Variants in IQCK observed in about 807,000 individuals in gnomAD.
The protein encoded by IQCK is IQ domain-containing protein K.
A neutral mutation model predicts 28.1 loss-of-function variants in IQCK; 29 were observed. The ratio of observed to expected loss-of-function variants is 1.03; its 90% confidence interval spans 0.77 to 1.41. The LOEUF (loss-of-function observed/expected upper bound fraction) is 1.41. IQCK is among the 40% of genes most tolerant of loss of function. IQCK has a pLI of 0.00. For missense variants in IQCK, 359 were observed against 314.7 expected (o/e 1.14, Z -1.07); for synonymous variants, 113 against 115.1 (o/e 0.98, Z 0.12).
chr16:19,753,169 A>G (rs773023438), intron 4 of IQCK, among the ~76,000 whole-genome samples: 2 of 151,954 alleles, frequency 1.3e-5, no homozygotes, highest in Admixed American at 6.6e-5. Context: ...AATCCCAGAC[A>G]TTTCGAGATG....
At chr16:19,783,434 A>G (rs2055519065) in intron 6 of IQCK, among the ~76,000 whole-genome samples, 1 of 152,182 alleles carries the variant, frequency 6.6e-6, no homozygotes, top group South Asian at 2.1e-4. Flanking sequence ...CTGAACATGC[A>G]AAAACGTCTG....
At chr16:19,753,520 A>G (rs1174124286) in intron 4 of IQCK, among the ~76,000 whole-genome samples, 1 of 152,174 alleles carries the variant, frequency 6.6e-6, no homozygotes, top group African/African-American at 2.4e-5. Flanking sequence ...TAGGCATCCA[A>G]AGCCCATAGT....
At chr16:19,828,180 G>A (rs1352920207), downstream of IQCK, among the ~76,000 whole-genome samples, 1 of 151,410 alleles carries the variant, frequency 6.6e-6, no homozygotes, top group Non-Finnish European at 1.5e-5. Flanking sequence ...CCAAAGTGCT[G>A]GGATTACAGG....
At chr16:19,781,983 C>T (rs1008366315) in intron 6 of IQCK, among the ~76,000 whole-genome samples, 19 of 151,196 alleles carry the variant, frequency 1.3e-4, no homozygotes, top group Non-Finnish European at 2.1e-4. Flanking sequence ...AGTGAGACTC[C>T]GCCTAAAACA....
chr16:19,754,412 A>G (rs2055025301), intron 4 of IQCK, among the ~76,000 whole-genome samples: 1 of 152,232 alleles, frequency 6.6e-6, no homozygotes, highest in Non-Finnish European at 1.5e-5. Flanking sequence ...GACTCTGGGT[A>G]GAGGCCATAA....
chr16:19,849,275 T>TTA (rs398028930), intron 9 of IQCK, among the ~76,000 whole-genome samples: 2 of 151,318 alleles, frequency 1.3e-5, no homozygotes, highest in Non-Finnish European at 2.9e-5. Flanking sequence ...TTTTTTTTTT[T>TTA]ATGTATTTGA....
At chr16:19,751,135 G>C (rs2054980992) in intron 4 of IQCK, among the ~76,000 whole-genome samples, 1 of 152,126 alleles carries the variant, frequency 6.6e-6, no homozygotes, top group Non-Finnish European at 1.5e-5. Context: ...ACCTCACCAG[G>C]GCTGTGGGGA....
intron 6 of IQCK, among the ~76,000 whole-genome samples, chr16:19,772,579 A>T (rs1399747553): frequency 1.3e-5 from 2 of 151,620 alleles, no homozygotes; most frequent in African/African-American, 2.4e-5. Context: ...GACAGGGGTG[A>T]GGGAGGGAGG....
intron 6 of IQCK, among the ~76,000 whole-genome samples, chr16:19,772,046 C>A (rs2055327627): frequency 6.6e-6 from 1 of 152,114 alleles, no homozygotes; most frequent in Non-Finnish European, 1.5e-5. Context: ...GGGTGGAGAA[C>A]AGATGGTTGG....
intron 7 of IQCK, among the ~76,000 whole-genome samples, chr16:19,820,434 G>C (rs899849715): frequency 6.6e-6 from 1 of 152,154 alleles, no homozygotes; most frequent in Non-Finnish European, 1.5e-5. Context: ...TGGATCATGA[G>C]GTCAGCAGAT....
intron 4 of IQCK, among the ~76,000 whole-genome samples, chr16:19,759,112 C>CT (rs1470224809): frequency 3.3e-5 from 5 of 152,066 alleles, no homozygotes; most frequent in African/African-American, 1.2e-4. Context: ...TTTTTTCTTG[C>CT]TTTGATGCTT....
chr16:19,829,781 G>C (rs1345072560), downstream of IQCK, among the ~76,000 whole-genome samples: 1 of 152,074 alleles, frequency 6.6e-6, no homozygotes, highest in Admixed American at 6.6e-5. Flanking sequence ...CTATTAGGTT[G>C]GTGCAAGAAT....
intron 9 of IQCK, among the ~76,000 whole-genome samples, chr16:19,850,658 T>A (rs1476233999): frequency 6.6e-6 from 1 of 152,144 alleles, no homozygotes; most frequent in Non-Finnish European, 1.5e-5. Flanking sequence ...AATTTCCTGT[T>A]GATTTTTTCT....
At chr16:19,811,392 A>T (rs902290063) in intron 7 of IQCK, among the ~76,000 whole-genome samples, 6 of 152,204 alleles carry the variant, frequency 3.9e-5, no homozygotes, top group Admixed American at 2.6e-4. Flanking sequence ...CAACTTATTC[A>T]TTCCCTGGTT....
At chr16:19,737,767 C>T (rs996743923) in intron 4 of IQCK, among the ~76,000 whole-genome samples, 2 of 152,064 alleles carry the variant, frequency 1.3e-5, no homozygotes, top group African/African-American at 4.8e-5. Context: ...ATGGTACCCT[C>T]CACCCAAGCA....
At chr16:19,831,387 C>G (rs1386795761), downstream of IQCK, among the ~76,000 whole-genome samples, 1 of 152,144 alleles carries the variant, frequency 6.6e-6, no homozygotes, top group Non-Finnish European at 1.5e-5. Context: ...CCAGGTGAAG[C>G]AGAACTTCTT....
chr16:19,779,015 C>A (rs528411636), intron 6 of IQCK, among the ~76,000 whole-genome samples: 3 of 152,306 alleles, frequency 2.0e-5, no homozygotes, highest in Admixed American at 2.0e-4. Context: ...CAGAGTCTCA[C>A]TCTGTTGCCC....
At chr16:19,838,824 G>A (rs1419980995) in intron 9 of IQCK, among the ~76,000 whole-genome samples, 1 of 151,880 alleles carries the variant, frequency 6.6e-6, no homozygotes, top group African/African-American at 2.4e-5. Context: ...TTCGAGACCA[G>A]CCTGGCCAAC....
At chr16:19,847,819 G>A (rs985801118) in intron 9 of IQCK, among the ~76,000 whole-genome samples, 1 of 152,086 alleles carries the variant, frequency 6.6e-6, no homozygotes, top group Admixed American at 6.6e-5. Flanking sequence ...ATTATTTTTA[G>A]AGATAGGGTC....
Sources: gnomAD v4.1 joint callset for allele counts (sites outside exome capture counted in the v4.1 genomes callset) on GRCh38, gnomAD v4.1.1 for gene constraint, MANE v1.5 for transcripts, NCBI Gene and HGNC (gene_info 2026-07-23, HGNC 2026-07-21) for gene names.